Variants in PALM2AKAP2 observed in about 807,000 individuals in gnomAD.
PALM2AKAP2 encodes the protein PALM2 and AKAP2 fusion.
Under a neutral mutation model 71.5 loss-of-function variants are expected in PALM2AKAP2, and 37 were observed. That is an observed-to-expected ratio of 0.52 (90% CI 0.40 to 0.68). The LOEUF is 0.68. PALM2AKAP2 is among the 30% of genes least tolerant of loss of function. The pLI is 0.00. For synonymous variants in PALM2AKAP2, 468 were observed against 478.8 expected, an observed-to-expected ratio of 0.98 and a Z score of 0.29; for missense variants, 1,224 against 1,191.8, an observed-to-expected ratio of 1.03 and a Z score of -0.40.
chr9:109,888,312 C>T (rs905137182), intron 3 of PALM2AKAP2, among the ~76,000 whole-genome samples: 5 of 152,252 alleles, frequency 3.3e-5, no homozygotes, highest in Admixed American at 2.0e-4. Flanking sequence ...TAAGTGTCCT[C>T]GCCTGTACAT....
intron 7 of PALM2AKAP2, among the ~76,000 whole-genome samples, chr9:110,018,752 A>G (rs1833024222): frequency 6.6e-6 from 1 of 152,240 alleles, no homozygotes; most frequent in Non-Finnish European, 1.5e-5. Context: ...ATATAACTAC[A>G]GAAAATGCTT....
At chr9:110,077,735 G>A (rs369987712) in intron 1 of PALM2AKAP2, among the ~76,000 whole-genome samples, 1 of 152,196 alleles carries the variant, frequency 6.6e-6, no homozygotes, top group East Asian at 1.9e-4. Flanking sequence ...GTAGGTCTTA[G>A]CCGAGTGCAG....
chr9:109,886,945 A>G (rs1829978935), intron 3 of PALM2AKAP2, among the ~76,000 whole-genome samples: 1 of 152,232 alleles, frequency 6.6e-6, no homozygotes, highest in Non-Finnish European at 1.5e-5. Context: ...TTCATTGAAT[A>G]AAATATTGAA....
At chr9:110,029,127 T>C (rs150763759) in intron 7 of PALM2AKAP2, among the ~76,000 whole-genome samples, 180 of 152,306 alleles carry the variant, frequency 1.2e-3, no homozygotes, top group African/African-American at 4.1e-3. Context: ...TTGTACCTCA[T>C]TGGTTTCTCT....
At chr9:109,852,997 G>A (rs981500260) in intron 1 of PALM2AKAP2, among the ~76,000 whole-genome samples, 1 of 152,118 alleles carries the variant, frequency 6.6e-6, no homozygotes, top group African/African-American at 2.4e-5. Context: ...TCTGTTGGTA[G>A]TTTCCTTTTG....
chr9:109,947,890 A>G (rs1031219892), intron 6 of PALM2AKAP2, among the ~76,000 whole-genome samples: 3 of 152,252 alleles, frequency 2.0e-5, no homozygotes, highest in Non-Finnish European at 4.4e-5. Context: ...TAAATACACG[A>G]TCTTTCAGGT....
chr9:109,686,214 A>G (rs1827803951), intron 1 of PALM2AKAP2, among the ~76,000 whole-genome samples: 1 of 152,220 alleles, frequency 6.6e-6, no homozygotes, highest in African/African-American at 2.4e-5. Context: ...CCAAACTCCC[A>G]TTAACGTTGA....
chr9:109,847,192 G>T (rs867289080), intron 1 of PALM2AKAP2, among the ~76,000 whole-genome samples: 1 of 152,164 alleles, frequency 6.6e-6, no homozygotes, highest in Non-Finnish European at 1.5e-5. Context: ...TGCTATCCAG[G>T]TGGGCCTTAA....
At chr9:109,806,237 A>G (rs10980052) in intron 1 of PALM2AKAP2, among the ~76,000 whole-genome samples, 26,970 of 152,266 alleles carry the variant, frequency 0.18, 2,798 homozygotes, top group East Asian at 0.35. Context: ...TGATTTATTT[A>G]CAAAAGTGGT....
chr9:109,828,388 G>A (rs961895049), intron 1 of PALM2AKAP2, among the ~76,000 whole-genome samples: 12 of 152,210 alleles, frequency 7.9e-5, no homozygotes, highest in African/African-American at 2.7e-4. Context: ...GAGTGGGCAT[G>A]TGTGTCTTCT....
At chr9:110,079,389 G>T (rs1174140085) in intron 1 of PALM2AKAP2, among the ~76,000 whole-genome samples, 1 of 152,184 alleles carries the variant, frequency 6.6e-6, no homozygotes, top group East Asian at 1.9e-4. Context: ...CCAGCTACTC[G>T]GGAGGCTGAG....
chr9:109,660,040 C>T (rs1345526726), intron 1 of PALM2AKAP2, among the ~76,000 whole-genome samples: 1 of 151,942 alleles, frequency 6.6e-6, no homozygotes, highest in Non-Finnish European at 1.5e-5. Context: ...CGCCATGTTG[C>T]CCAGGCTGGT....
intron 1 of PALM2AKAP2, among the ~76,000 whole-genome samples, chr9:109,784,331 A>G (rs1336459773): frequency 1.3e-5 from 2 of 152,264 alleles, no homozygotes. Context: ...CAGGAGGAAC[A>G]TGTAAACCAA....
chr9:109,644,464 C>T (rs10979978), intron 1 of PALM2AKAP2, among the ~76,000 whole-genome samples: 50,775 of 152,028 alleles, frequency 0.33, 8,880 homozygotes, highest in African/African-American at 0.43. Flanking sequence ...AACCAACAAA[C>T]GTTTGTTGAG....
At chr9:109,890,575 C>T (rs1435308340) in intron 3 of PALM2AKAP2, among the ~76,000 whole-genome samples, 1 of 152,152 alleles carries the variant, frequency 6.6e-6, no homozygotes, top group Non-Finnish European at 1.5e-5. Flanking sequence ...GATCTCTCAT[C>T]CAAAGGTATA....
At chr9:110,113,041 CTG>C (rs985659169) in intron 1 of PALM2AKAP2, among the ~76,000 whole-genome samples, 1 of 152,186 alleles carries the variant, frequency 6.6e-6, no homozygotes, top group African/African-American at 2.4e-5. Context: ...ATTGCCAGCT[CTG>C]TGACAGGCTT....
intron 1 of PALM2AKAP2, among the ~76,000 whole-genome samples, chr9:109,691,487 A>G (rs575800245): frequency 1.6e-4 from 25 of 152,104 alleles, no homozygotes; most frequent in Middle Eastern, 6.8e-3. Context: ...CTGTATTTGA[A>G]CAGGTAGGAA....
chr9:110,002,692 A>AT (rs1832702331), intron 6 of PALM2AKAP2, among the ~76,000 whole-genome samples: 1 of 152,162 alleles, frequency 6.6e-6, no homozygotes, highest in African/African-American at 2.4e-5. Flanking sequence ...GCTATTAATT[A>AT]TTGCCTCAAT....
At chr9:110,049,720 A>G (rs958480403) in intron 1 of PALM2AKAP2, among the ~76,000 whole-genome samples, 1 of 152,174 alleles carries the variant, frequency 6.6e-6, no homozygotes, top group Non-Finnish European at 1.5e-5. Flanking sequence ...GCAAGGAGAC[A>G]CTGGTGGCCC....
Sources: gnomAD v4.1 joint callset for allele counts (sites outside exome capture counted in the v4.1 genomes callset) on GRCh38, gnomAD v4.1.1 for gene constraint, MANE v1.5 for transcripts, NCBI Gene and HGNC (gene_info 2026-07-23, HGNC 2026-07-21) for gene names.